ELL: variants seen among roughly 807,000 people sequenced by gnomAD.
The protein encoded by ELL is elongation factor for RNA polymerase II.
A neutral mutation model predicts 64.0 loss-of-function variants in ELL; 18 were observed. The observed-to-expected ratio is 0.28, with a 90% CI of 0.19 to 0.42. The LOEUF is 0.42. Among genes scored for constraint, ELL ranks in the 10% least tolerant of loss-of-function variants. The pLI is 1.00. For synonymous variants in ELL, 399 were observed against 376.2 expected, an observed-to-expected ratio of 1.06 and a Z score of -0.70; for missense variants, 797 against 870.4, an observed-to-expected ratio of 0.92 and a Z score of 1.06.
At chr19:18,489,119 C>T (rs1975476545) in intron 1 of ELL, among the ~76,000 whole-genome samples, 1 of 152,210 alleles carries the variant, frequency 6.6e-6, no homozygotes, top group South Asian at 2.1e-4. Context: ...CAAATAAAAG[C>T]GCCCAATTTC....
chr19:18,515,048 G>A (rs1430417271), intron 1 of ELL, among the ~76,000 whole-genome samples: 4 of 152,238 alleles, frequency 2.6e-5, no homozygotes, highest in Admixed American at 2.6e-4. Context: ...TTGGCCGTGA[G>A]TCAACAGAGG....
chr19:18,518,769 C>T (rs529007588), intron 1 of ELL, among the ~76,000 whole-genome samples: 18 of 151,012 alleles, frequency 1.2e-4, no homozygotes, highest in Admixed American at 4.6e-4. Flanking sequence ...CCAGCTTGGG[C>T]GACAGGGCAA....
At chr19:18,493,383 G>A (rs1483040332) in intron 1 of ELL, among the ~76,000 whole-genome samples, 1 of 152,222 alleles carries the variant, frequency 6.6e-6, no homozygotes, top group Non-Finnish European at 1.5e-5. Context: ...GCATAACAAT[G>A]CATCTGGCCC....
rs1974422926 is a variant in ELL, at chr19:18,446,615, G to A, written c.1532+133C>T. 5 of 1,490,342 alleles carry A rather than the reference G, an allele frequency of 3.4e-6. No individual in the cohort carries two copies. The South Asian group carries it at 3.7e-5, about 11-fold the overall frequency. 92.3% of individuals were successfully genotyped at this position (1,490,342 alleles called of 1,614,324 possible). On this transcript the variant is annotated intron_variant, in intron 9 of 11. Coordinates refer to ENST00000262809, the MANE Select transcript of ELL (RefSeq NM_006532.4). ...GATTATGAGGGGGCCTGGCCCAGAAGAGGCTGCTATGTTTGGAATTCACAT... is the reference window on the plus strand; with the variant it reads ...GATTATGAGGGGGCCTGGCCCAGAAAAGGCTGCTATGTTTGGAATTCACAT...
chr19:18,470,516 G>A (rs1024291858), intron 2 of ELL, among the ~76,000 whole-genome samples: 6 of 152,266 alleles, frequency 3.9e-5, no homozygotes, highest in African/African-American at 1.2e-4. Flanking sequence ...TCCTGGGGAA[G>A]GTAAAAAGGA....
At chr19:18,489,276 T>C (rs1034327861) in intron 1 of ELL, among the ~76,000 whole-genome samples, 6 of 152,184 alleles carry the variant, frequency 3.9e-5, no homozygotes, top group African/African-American at 1.4e-4. Context: ...CCAGGAACGC[T>C]AGCACAATTC....
At chr19:18,475,033 A>G (rs1024930683) in intron 1 of ELL, among the ~76,000 whole-genome samples, 13 of 152,236 alleles carry the variant, frequency 8.5e-5, no homozygotes, top group Non-Finnish European at 1.3e-4. Flanking sequence ...CCAAGGCAGG[A>G]GAATCACTTC....
chr19:18,463,842 C>T (rs1974882864), intron 4 of ELL, among the ~76,000 whole-genome samples: 4 of 151,944 alleles, frequency 2.6e-5, no homozygotes, highest in South Asian at 4.1e-4. Flanking sequence ...GAAAATTAGC[C>T]GGGCGTGGTG....
intron 1 of ELL, among the ~76,000 whole-genome samples, chr19:18,514,628 C>T (rs1356062435): frequency 6.6e-6 from 1 of 152,012 alleles, no homozygotes; most frequent in African/African-American, 2.4e-5. Context: ...TTCTACATTT[C>T]CCTTTGGACT....
At chr19:18,519,094 T>G (rs1053154641) in intron 1 of ELL, among the ~76,000 whole-genome samples, 2 of 151,382 alleles carry the variant, frequency 1.3e-5, no homozygotes, top group African/African-American at 4.9e-5. Flanking sequence ...CGGGCACGGT[T>G]GGTCACGCCT....
chr19:18,465,345 C>T (rs922237866), intron 4 of ELL, 67 bp downstream of exon 4: 4 of 1,528,584 alleles, frequency 2.6e-6, no homozygotes, highest in Admixed American at 1.9e-5. Context: ...CCTGGACAGG[C>T]CCCAAATGTC....
intron 1 of ELL, among the ~76,000 whole-genome samples, chr19:18,518,836 T>C (rs1225597403): frequency 1.3e-5 from 2 of 149,194 alleles, no homozygotes; most frequent in Non-Finnish European, 3.0e-5. Context: ...CAAGGTAGAG[T>C]GAGAAGGCCA....
intron 1 of ELL, among the ~76,000 whole-genome samples, chr19:18,513,796 T>C (rs111673508): frequency 0.027 from 4,039 of 152,016 alleles, 114 homozygotes; most frequent in African/African-American, 0.074. Context: ...CCGGGCGTGG[T>C]GGCGGGCGCC....
At position 18,446,410 on chromosome 19, in the gene ELL, C is replaced by T. The variant is rs1466072136; in HGVS notation, c.1603G>A (p.Glu535Lys). The part of the protein sequence containing the change: ...YKNDFNAEYS[E>K]YRDLHARIER... Reference sequence around the variant, plus strand: ...ATGCGGGCGTGCAGGTCGCGGTACTCGCTGTACTCGGCATTGAAGTCGTTC... The same window carrying T: ...ATGCGGGCGTGCAGGTCGCGGTACTTGCTGTACTCGGCATTGAAGTCGTTC... Residue 535 changes from glutamate to lysine, a missense_variant, in exon 10 of 12, where the codon GAG becomes AAG. Glu to Lys is a moderately conservative substitution (Grantham distance 56). Coordinates refer to ENST00000262809, the MANE Select transcript of ELL (RefSeq NM_006532.4). 4 of 1,612,618 alleles carry T rather than the reference C, an allele frequency of 2.5e-6. No individual in the cohort carries two copies. The highest frequency in any genetic ancestry group is 3.4e-6 in the Non-Finnish European group (4 of 1,179,904).
At chr19:18,485,896 G>A (rs1167174453) in intron 1 of ELL, among the ~76,000 whole-genome samples, 1 of 151,620 alleles carries the variant, frequency 6.6e-6, no homozygotes, top group Non-Finnish European at 1.5e-5. Flanking sequence ...TGAGGCAGGA[G>A]AATTGCTTGA....
intron 1 of ELL, among the ~76,000 whole-genome samples, chr19:18,500,265 A>T (rs1975753927): frequency 6.6e-6 from 1 of 151,302 alleles, no homozygotes; most frequent in Non-Finnish European, 1.5e-5. Flanking sequence ...CCGTCTCAAA[A>T]AAAAAAAAAA....
chr19:18,449,447 C>T lies in ELL; in HGVS notation c.1465+1030G>A, dbSNP rs1054213132. 6.6e-6 allele frequency among the ~76,000 whole-genome samples: 1 copy of T among 152,154 alleles called. No individual in the cohort carries two copies. Among genetic ancestry groups the T allele is most frequent in the African/African-American group, 2.4e-5 (1 of 41,412 alleles). On this transcript the variant is annotated intron_variant, in intron 8 of 11. Coordinates refer to ENST00000262809, the MANE Select transcript of ELL (RefSeq NM_006532.4). The surrounding 1 kb of genome is among the most constrained non-coding windows in gnomAD (Gnocchi z 4.4). ...GGGAGGTGGGAAGCCCAGCACGAGGCAGGGCTGACCCAACCCCGAAAGTCT... is the reference window on the plus strand; with the variant it reads ...GGGAGGTGGGAAGCCCAGCACGAGGTAGGGCTGACCCAACCCCGAAAGTCT...
intron 1 of ELL, among the ~76,000 whole-genome samples, chr19:18,479,581 C>T (rs1477560818): frequency 6.6e-6 from 1 of 151,850 alleles, no homozygotes; most frequent in Admixed American, 6.6e-5. Flanking sequence ...TGGTGGCATA[C>T]GCCTATAATC....
intron 10 of ELL, 57 bp from the exon 11 acceptor site, chr19:18,445,325 C>T: frequency 1.9e-6 from 2 of 1,041,756 alleles, no homozygotes; most frequent in Non-Finnish European, 1.4e-6. Flanking sequence ...ACAGGAAACC[C>T]AAATTGAGTG....
Sources: gnomAD v4.1 joint callset for allele counts (sites outside exome capture counted in the v4.1 genomes callset) on GRCh38, gnomAD v4.1.1 for gene constraint, Gnocchi (gnomAD v3.1) non-coding constraint, MANE v1.5 for transcripts, NCBI Gene and HGNC (gene_info 2026-07-23, HGNC 2026-07-21) for gene names.